The following DNAH8 variants were observed in gnomAD, a reference collection of about 807,000 sequenced individuals.
DNAH8 encodes axonemal beta dynein heavy chain 8.
Under a neutral mutation model 562.1 loss-of-function variants are expected in DNAH8, and 382 were observed. The ratio of observed to expected loss-of-function variants is 0.68; its 90% CI spans 0.63 to 0.74. DNAH8 has a LOEUF of 0.74. Ranked by LOEUF, DNAH8 falls within the 30% of genes least tolerant of loss-of-function variation. The pLI, the probability that DNAH8 is intolerant of heterozygous loss-of-function variation, is 0.00. For missense variants in DNAH8, 5,203 were observed against 5,620.4 expected (o/e 0.93, Z 2.37); for synonymous variants, 1,881 against 1,919.4 (o/e 0.98, Z 0.52).
At chr6:39,017,449 C>G (rs1436232679) in intron 91 of DNAH8, among the ~76,000 whole-genome samples, 3 of 152,130 alleles carry the variant, frequency 2.0e-5, no homozygotes, top group African/African-American at 7.2e-5. Context: ...AATTGATAGC[C>G]ATGCTTTGCC....
intron 80 of DNAH8, 96 bp downstream of exon 80, chr6:38,945,684 C>T (rs1761559975): frequency 6.6e-7 from 1 of 1,520,730 alleles, no homozygotes. Context: ...ATTCCTTCAC[C>T]CAAAAAAGTC....
intron 11 of DNAH8, 33 bp downstream of exon 11, chr6:38,761,836 A>C: frequency 7.5e-7 from 1 of 1,325,430 alleles, no homozygotes; most frequent in Non-Finnish European, 1.0e-6. Flanking sequence ...TCATAAACTA[A>C]ATCTTTTCCC....
At chr6:38,959,257 A>G (rs1302651246) in intron 82 of DNAH8, among the ~76,000 whole-genome samples, 1 of 152,192 alleles carries the variant, frequency 6.6e-6, no homozygotes, top group African/African-American at 2.4e-5. Context: ...TGTTCAACAT[A>G]GTACAGGAAG....
At chr6:38,880,923 G>A (rs1342465183) in intron 53 of DNAH8, among the ~76,000 whole-genome samples, 1 of 152,158 alleles carries the variant, frequency 6.6e-6, no homozygotes, top group African/African-American at 2.4e-5. Context: ...AGCTACTCAG[G>A]AGGCTGAGGC....
chr6:38,737,022 A>G (rs1299600996), intron 5 of DNAH8, 45 bp from the exon 6 acceptor site: 19 of 1,352,676 alleles, frequency 1.4e-5, no homozygotes, highest in Non-Finnish European at 1.8e-5. Context: ...TCAGTTCTTT[A>G]GTGGGATTAG....
chr6:38,768,090 C>T (rs72849149), intron 11 of DNAH8, among the ~76,000 whole-genome samples: 18,539 of 152,072 alleles, frequency 0.12, 1,389 homozygotes, highest in Admixed American at 0.22. Context: ...CTTATTGGCC[C>T]TTTGTATATC....
At chr6:38,778,159 A>G (rs1200425924) in intron 13 of DNAH8, among the ~76,000 whole-genome samples, 2 of 152,168 alleles carry the variant, frequency 1.3e-5, no homozygotes, top group African/African-American at 2.4e-5. Flanking sequence ...TCTGGCATGT[A>G]TTTTACATTT....
intron 52 of DNAH8, among the ~76,000 whole-genome samples, chr6:38,874,631 A>G (rs1385776196): frequency 6.6e-6 from 1 of 151,706 alleles, no homozygotes; most frequent in African/African-American, 2.4e-5. Context: ...AGCCTCCTAA[A>G]GTGCTAGGAT....
chr6:38,752,731 T>C (rs187527665), intron 9 of DNAH8, among the ~76,000 whole-genome samples: 191 of 152,142 alleles, frequency 1.3e-3, no homozygotes, highest in African/African-American at 4.2e-3. Context: ...AAGTTTAATA[T>C]GAAAGGGGAG....
intron 72 of DNAH8, 107 bp downstream of exon 72, chr6:38,923,292 T>A (rs4714199): frequency 6.6e-6 from 9 of 1,364,458 alleles, no homozygotes; most frequent in African/African-American, 1.5e-5. Context: ...ATGACAGTGC[T>A]TGCAACTTAA....
intron 61 of DNAH8, 99 bp downstream of exon 61, chr6:38,898,479 G>A (rs1779854493): frequency 9.7e-7 from 1 of 1,030,140 alleles, no homozygotes; most frequent in African/African-American, 1.7e-5. Context: ...ATACTATCAG[G>A]TACCGTATAG....
At chr6:39,028,841 A>G (rs1187538674) in intron 92 of DNAH8, among the ~76,000 whole-genome samples, 2 of 152,228 alleles carry the variant, frequency 1.3e-5, no homozygotes, top group Non-Finnish European at 2.9e-5. Flanking sequence ...CCATGGTTTT[A>G]CTGTCAAATC....
intron 26 of DNAH8, among the ~76,000 whole-genome samples, chr6:38,820,515 G>A (rs921852162): frequency 1.3e-5 from 2 of 152,088 alleles, no homozygotes; most frequent in African/African-American, 4.8e-5. Flanking sequence ...GGATTCTCAA[G>A]ACATACAAAG....
At chr6:38,736,750 G>C (rs1427775173) in intron 5 of DNAH8, among the ~76,000 whole-genome samples, 1 of 151,934 alleles carries the variant, frequency 6.6e-6, no homozygotes, top group Non-Finnish European at 1.5e-5. Flanking sequence ...ACTTTCAACG[G>C]AGGATTTTCT....
chr6:38,829,418 T>C (rs187680467), intron 30 of DNAH8, among the ~76,000 whole-genome samples: 208 of 152,284 alleles, frequency 1.4e-3, no homozygotes, highest in Non-Finnish European at 1.0e-3. Context: ...CAATCTAGAG[T>C]TACAAAGATT....
At chr6:38,832,272 T>A in intron 30 of DNAH8, 50 bp from the exon 31 acceptor site, 1 of 1,217,750 alleles carries the variant, frequency 8.2e-7, no homozygotes, top group Non-Finnish European at 1.2e-6. Flanking sequence ...TAATTTTTGT[T>A]TTTAATATGT....
intron 91 of DNAH8, among the ~76,000 whole-genome samples, chr6:39,021,161 G>A (rs1766894473): frequency 6.6e-6 from 1 of 152,144 alleles, no homozygotes; most frequent in Non-Finnish European, 1.5e-5. Flanking sequence ...TAAATTTTCT[G>A]AAAAGCTTCC....
intron 86 of DNAH8, among the ~76,000 whole-genome samples, 176 bp downstream of exon 86, chr6:38,982,638 C>G (rs919050459): frequency 2.6e-5 from 4 of 152,192 alleles, no homozygotes; most frequent in African/African-American, 9.7e-5. Context: ...GCCCCCAACA[C>G]TCACATACCT....
chr6:38,924,361 AGT>A (rs1781943607), intron 73 of DNAH8, among the ~76,000 whole-genome samples, 199 bp downstream of exon 73: 1 of 152,022 alleles, frequency 6.6e-6, no homozygotes, highest in African/African-American at 2.4e-5. Flanking sequence ...AAAATACAAA[AGT>A]TAGCCGGGCA....
Sources: gnomAD v4.1 joint callset for allele counts (sites outside exome capture counted in the v4.1 genomes callset) on GRCh38, gnomAD v4.1.1 for gene constraint, MANE v1.5 for transcripts, NCBI Gene and HGNC (gene_info 2026-07-23, HGNC 2026-07-21) for gene names.